The following EXPH5 variants were observed in gnomAD, a reference collection of about 807,000 sequenced individuals.
The protein encoded by EXPH5 is exophilin 5, also known as exophilin-5.
A neutral mutation model predicts 41.1 loss-of-function variants in EXPH5; 42 were observed. The observed-to-expected ratio is 1.02, with a 90% CI of 0.80 to 1.32. EXPH5 has a LOEUF of 1.32. Among genes scored for constraint, EXPH5 ranks in the 40% most tolerant of loss-of-function variants. The pLI, the probability that EXPH5 is intolerant of heterozygous loss-of-function variation, is 0.00. For missense variants in EXPH5, 2,298 were observed against 2,314.5 expected, an observed-to-expected ratio of 0.99 and a Z score of 0.15; for synonymous variants, 798 against 833.5, an observed-to-expected ratio of 0.96 and a Z score of 0.73.
rs759631715 is a variant in EXPH5 at position 108,514,582 on chromosome 11, C to G, written c.925G>C (p.Asp309His). 48 of 1,613,866 alleles carry G rather than the reference C, an allele frequency of 3.0e-5. No individual in the cohort carries two copies. Among genetic ancestry groups the G allele is most frequent in the Non-Finnish European group, 4.1e-5 (48 of 1,179,942 alleles). ...RTREPRVFKE[D>H]YVQKNTFGST... ...CCAAAAGTATTCTTTTGCACATAAT[C>G]TTCTTTAAAGACTCTGGGCTCCCTT... The change falls in exon 6 of 6, where the codon GAT (aspartate) becomes CAT (histidine). Residue 309 changes from aspartate to histidine, a missense_variant. Asp to His is a moderately conservative substitution (Grantham distance 81). Transcript: ENST00000265843.
In EXPH5 at chr11:108,514,211, G is replaced by A; in HGVS notation, c.1296C>T (p.Pro432=). The A allele has an allele frequency of 2.5e-6, 4 of 1,614,158 alleles. No individual in the cohort carries two copies. The highest frequency in any genetic ancestry group is 3.4e-6 in the Non-Finnish European group (4 of 1,180,024). Residue 432 remains proline, a synonymous_variant, in exon 6 of 6, where the codon CCC becomes CCT. Transcript: ENST00000265843. ...NVYQRVSLNA[P]MENAMSPDTF... ...TGTCGGGACTCATTGCATTCTCCATGGGAGCATTTAAACTAACACGTTGGT... is the reference window on the plus strand; with the variant it reads ...TGTCGGGACTCATTGCATTCTCCATAGGAGCATTTAAACTAACACGTTGGT...
At chr11:108,563,814 G>A (rs570242655) in intron 1 of EXPH5, among the ~76,000 whole-genome samples, 1 of 152,338 alleles carries the variant, frequency 6.6e-6, no homozygotes, top group African/African-American at 2.4e-5. Context: ...TGTCCTAGGC[G>A]TCGCTCTGCA....
intron 1 of EXPH5, among the ~76,000 whole-genome samples, chr11:108,583,559 T>C (rs1450955590): frequency 6.6e-6 from 1 of 151,916 alleles, no homozygotes; most frequent in Non-Finnish European, 1.5e-5. Flanking sequence ...TGGTGGCTTA[T>C]GCCTGTAATC....
At chr11:108,527,049 G>A (rs1327536726) in intron 4 of EXPH5, among the ~76,000 whole-genome samples, 1 of 152,116 alleles carries the variant, frequency 6.6e-6, no homozygotes, top group East Asian at 1.9e-4. Flanking sequence ...GTTGGGCATG[G>A]TGACTCACGC....
intron 4 of EXPH5, among the ~76,000 whole-genome samples, chr11:108,518,855 A>C (rs1386600693): frequency 6.6e-6 from 1 of 152,192 alleles, no homozygotes; most frequent in African/African-American, 2.4e-5. Context: ...ACCAATACCA[A>C]GATGGCAACA....
the EXPH5 span, among the ~76,000 whole-genome samples, chr11:108,602,287 A>T: frequency 1.3e-5 from 2 of 152,146 alleles, no homozygotes; most frequent in Non-Finnish European, 2.9e-5. Context: ...TTTATTAGGC[A>T]CCTGCTGTGT....
chr11:108,592,752 G>GCAC (rs2094130455), intron 1 of EXPH5, among the ~76,000 whole-genome samples: 1 of 152,188 alleles, frequency 6.6e-6, no homozygotes, highest in Non-Finnish European at 1.5e-5. Flanking sequence ...GCTCCCCACA[G>GCAC]CACCACGCAC....
chr11:108,531,038 G>C (rs1333180010), intron 3 of EXPH5, among the ~76,000 whole-genome samples: 1 of 152,132 alleles, frequency 6.6e-6, no homozygotes, highest in African/African-American at 2.4e-5. Flanking sequence ...AAAGGCCCCT[G>C]GACTTGGTCA....
At chr11:108,570,362 C>G (rs1366914701) in intron 1 of EXPH5, among the ~76,000 whole-genome samples, 1 of 152,104 alleles carries the variant, frequency 6.6e-6, no homozygotes, top group Non-Finnish European at 1.5e-5. Context: ...TCAAGCAATT[C>G]TCCTGCCTTA....
intron 1 of EXPH5, among the ~76,000 whole-genome samples, chr11:108,554,177 C>T (rs561678710): frequency 1.9e-4 from 29 of 151,988 alleles, no homozygotes; most frequent in African/African-American, 7.0e-4. Flanking sequence ...GATTCTCCTG[C>T]CTCAGCCTCC....
intron 4 of EXPH5, among the ~76,000 whole-genome samples, chr11:108,526,103 T>G (rs954182343): frequency 2.0e-5 from 3 of 151,816 alleles, no homozygotes; most frequent in African/African-American, 4.8e-5. Flanking sequence ...TTTTTTTTTT[T>G]GTAGAGACAG....
rs555712025 is a variant in EXPH5 at position 108,588,208 on chromosome 11, A to AT, written c.119+5209dup. On this transcript the variant is annotated intron_variant, in intron 1 of 5. Transcript: ENST00000265843. ...TTTTTAACATAAATGGTTGCCAGCA[A>AT]TTTTTTCTATATAGGCAGATGGTAT... is the stretch of plus-strand genomic sequence containing the variant. Among the ~76,000 whole-genome samples the AT allele has an allele frequency of 2.4e-3, 372 of 152,246 alleles. 2 individuals carry two copies. The highest frequency in any genetic ancestry group is 8.4e-3 in the African/African-American group (349 of 41,544).
In EXPH5 at chr11:108,511,999, C is replaced by CAA; in HGVS notation, c.3507_3508insTT (p.Val1170LeufsTer7). On this transcript the variant is annotated frameshift_variant, in exon 6 of 6. Coordinates refer to ENST00000265843, the MANE Select transcript of EXPH5 (RefSeq NM_015065.3). LOFTEE classifies it low-confidence loss of function (END_TRUNC). ...CTTTTGGTTAAAGAACAATCTCTAA[C>CAA]AGATGAGTCACTTTCCACAGGGCTA... 1.3e-6 allele frequency: 2 copies of CAA among 1,592,896 alleles called. No homozygotes were observed. Among genetic ancestry groups the CAA allele is most frequent in the Non-Finnish European group, 1.7e-6 (2 of 1,173,338 alleles).
At chr11:108,577,021 A>G (rs2094081992) in intron 1 of EXPH5, among the ~76,000 whole-genome samples, 1 of 152,194 alleles carries the variant, frequency 6.6e-6, no homozygotes, top group African/African-American at 2.4e-5. Context: ...ACTTAATATA[A>G]TATCTTCCAG....
intron 1 of EXPH5, among the ~76,000 whole-genome samples, chr11:108,544,045 G>C (rs1421435109): frequency 2.6e-5 from 4 of 152,112 alleles, no homozygotes; most frequent in African/African-American, 9.7e-5. Context: ...CCAAAAGCAG[G>C]CACCACCCTT....
At chr11:108,525,717 T>C (rs2093794077) in intron 4 of EXPH5, among the ~76,000 whole-genome samples, 1 of 152,014 alleles carries the variant, frequency 6.6e-6, no homozygotes, top group African/African-American at 2.4e-5. Context: ...ACCTCAAATC[T>C]TGGGGAGAAT....
chr11:108,582,215 G>C (rs1048585161), intron 1 of EXPH5, among the ~76,000 whole-genome samples: 32 of 152,310 alleles, frequency 2.1e-4, no homozygotes, highest in East Asian at 3.9e-4. Flanking sequence ...TGTAATCCCA[G>C]CACTTTGGGA....
chr11:108,598,669 G>A (rs535246587), upstream of EXPH5, among the ~76,000 whole-genome samples: 6 of 152,158 alleles, frequency 3.9e-5, no homozygotes, highest in South Asian at 1.2e-3. Context: ...CTAAGACACA[G>A]GAGAAGCGCT....
chr11:108,527,683 A>G (rs2093809135), intron 4 of EXPH5, among the ~76,000 whole-genome samples: 1 of 152,198 alleles, frequency 6.6e-6, no homozygotes, highest in Non-Finnish European at 1.5e-5. Context: ...GCCTCTGAGG[A>G]AGCATCTCGC....
Sources: gnomAD v4.1 joint callset for allele counts (sites outside exome capture counted in the v4.1 genomes callset) on GRCh38, gnomAD v4.1.1 for gene constraint, MANE v1.5 for transcripts, NCBI Gene and HGNC (gene_info 2026-07-23, HGNC 2026-07-21) for gene names.